Variants in MFSD8 observed in about 807,000 individuals in gnomAD.
The protein encoded by MFSD8 is major facilitator superfamily domain-containing protein 8.
In MFSD8, 55 loss-of-function variants were observed where a neutral mutation model predicts 66.4. That is an observed-to-expected ratio of 0.83 (90% CI 0.67 to 1.04). MFSD8 has a LOEUF of 1.04. Ranked by LOEUF, MFSD8 falls within the 50% of genes least tolerant of loss-of-function variation. The pLI, the probability that MFSD8 is intolerant of heterozygous loss-of-function variation, is 0.00. For synonymous variants in MFSD8, 202 were observed against 212.8 expected (o/e 0.95, Z 0.44); for missense variants, 550 against 627.6 (o/e 0.88, Z 1.32).
At chr4:127,949,724 G>A in intron 3 of MFSD8, 80 bp downstream of exon 3, 1 of 1,164,488 alleles carries the variant, frequency 8.6e-7, no homozygotes. Flanking sequence ...ATACCAAAGA[G>A]ACTCTTTAGA....
At chr4:127,942,744 A>C (rs1740409391) in intron 4 of MFSD8, among the ~76,000 whole-genome samples, 1 of 152,108 alleles carries the variant, frequency 6.6e-6, no homozygotes, top group Non-Finnish European at 1.5e-5. Flanking sequence ...GATTACTACA[A>C]CTGTTTTTAA....
In MFSD8 at chr4:127,939,955, G is replaced by A. The variant is rs1175598258; in HGVS notation, c.596C>T (p.Thr199Ile). Residue 199 changes from threonine to isoleucine, a missense_variant, in exon 6 of 12, where the codon ACA (threonine) becomes ATA (isoleucine). Transcript: ENST00000641686. ...CFTFLGEKGVTWDVIKLQINM... is the reference protein window; with the variant it reads ...CFTFLGEKGVIWDVIKLQINM... The stretch of plus-strand genomic sequence containing the variant: ...TATCTGCAGTTTAATCACATCCCAT[G>A]TCACACCTTTTTCTCCAAGGAATGT... The A allele has an allele frequency of 3.7e-6, 6 of 1,613,350 alleles. No homozygotes were observed. In the South Asian group the frequency reaches 5.5e-5, roughly 15 times the overall value.
rs1736367637 is a variant in MFSD8, at chr4:127,921,754, T to C, written c.1120A>G (p.Ile374Val). ...IQWEDLHNNS[I>V]PNTTFGEIII... ...ATTTCCCCAAATGTGGTATTAGGGATTGAATTATTGTGCAAATCTGTAAAA... is the reference window on the plus strand; with the variant it reads ...ATTTCCCCAAATGTGGTATTAGGGACTGAATTATTGTGCAAATCTGTAAAA... The change falls in exon 11 of 12, where the codon ATC (isoleucine) becomes GTC (valine). Residue 374 changes from isoleucine to valine, a missense_variant. Physicochemically the swap from Ile to Val is conservative, Grantham distance 29. Coordinates refer to ENST00000641686, the MANE Select transcript of MFSD8 (RefSeq NM_001371596.2). 4 of 1,614,168 alleles carry C rather than the reference T, an allele frequency of 2.5e-6. No homozygotes were observed. The highest frequency in any genetic ancestry group is 3.4e-6 in the Non-Finnish European group (4 of 1,180,022).
chr4:127,965,350 C>T (rs1289662608), upstream of MFSD8: 3 of 623,500 alleles, frequency 4.8e-6, no homozygotes, highest in African/African-American at 1.8e-5. Context: ...CCTCCCTCGG[C>T]ACGCGCCTCC....
rs2148832703 is a variant in MFSD8 at position 127,918,361 on chromosome 4, AAAG to A, written c.*2266_*2268del. 6.6e-6 allele frequency: 1 copy of A among 152,324 alleles called. No homozygotes were observed. The highest frequency in any genetic ancestry group is 1.9e-4 in the East Asian group (1 of 5,188). The allele number at this position is 152,324 out of a possible 1,614,324, so 9.4% of individuals were successfully genotyped here. A position where few individuals can be genotyped will look rare whatever the true frequency, so the allele number is the denominator to read the frequency against. On this transcript the variant is annotated 3_prime_UTR_variant, in exon 12 of 12. Transcript: ENST00000641686. ...CAAGATGAGCAAGGTATAATCCTCCAAAGAAGAAAATGCTCCAAAGAAAATGCT... is the reference window on the plus strand; with the variant it reads ...CAAGATGAGCAAGGTATAATCCTCCAAAGAAAATGCTCCAAAGAAAATGCT...
chr4:127,962,839 A>C (rs753220524), intron 1 of MFSD8, among the ~76,000 whole-genome samples: 2 of 152,214 alleles, frequency 1.3e-5, no homozygotes, highest in African/African-American at 4.8e-5. Flanking sequence ...TGCATTGCAT[A>C]AACTCTGTTT....
At chr4:127,961,037 T>C (rs1743650032) in intron 1 of MFSD8, among the ~76,000 whole-genome samples, 1 of 152,206 alleles carries the variant, frequency 6.6e-6, no homozygotes, top group Non-Finnish European at 1.5e-5. Context: ...CCAACCCCTG[T>C]TGTCTTAAAT....
chr4:127,921,510 G>C lies in MFSD8; in HGVS notation c.1350+14C>G. On this transcript the variant is annotated intron_variant, in intron 11 of 11. Transcript: ENST00000641686. The stretch of plus-strand genomic sequence containing the variant: ...ATATTTTCTATAATTGCAATGTCAG[G>C]GTACCTGGCTTACCTGAGGTTTTGG... 6.2e-7 allele frequency: 1 copy of C among 1,614,050 alleles called. No homozygotes were observed. Among genetic ancestry groups the C allele is most frequent in the Non-Finnish European group, 8.5e-7 (1 of 1,180,026 alleles).
intron 6 of MFSD8, 152 bp downstream of exon 6, chr4:127,939,701 C>A: frequency 2.1e-6 from 1 of 484,156 alleles, no homozygotes; most frequent in Non-Finnish European, 3.3e-6. Context: ...GCCAGTATTA[C>A]ATGCTTTAGT....
chr4:127,943,945 T>A lies in MFSD8; in HGVS notation c.246A>T (p.Ser82=). The A allele has an allele frequency of 1.2e-6, 2 of 1,614,136 alleles. No homozygotes were observed. Among genetic ancestry groups the A allele is most frequent in the Non-Finnish European group, 1.7e-6 (2 of 1,180,016 alleles). ...AAGCTACCATTTGGCCAAGACTATA[T>A]GAAGCAATAACCCAGCCCAAAAAAC... ...DTSFLGWVIA[S]YSLGQMVASP... Residue 82 remains serine, a synonymous_variant, in exon 4 of 12, where the codon TCA becomes TCT. Coordinates refer to ENST00000641686, the MANE Select transcript of MFSD8 (RefSeq NM_001371596.2).
Position 127,941,946 on chromosome 4 carries a change from C to T in MFSD8, c.553+99G>A, listed in dbSNP as rs991328950. 1.7e-5 allele frequency: 16 copies of T among 964,298 alleles called. No homozygotes were observed. The African/African-American group carries it at 1.8e-4, about 11-fold the overall frequency. The allele number at this position is 964,298 out of a possible 1,614,324, so 59.7% of individuals were successfully genotyped here. A position where few individuals can be genotyped will look rare whatever the true frequency, so the allele number is the denominator to read the frequency against. On this transcript the variant is annotated intron_variant, in intron 5 of 11. Transcript: ENST00000641686. ...AAAAAATTAGCTTTCCTCCCTTTCCCTTCAGCTATGAGTTTTTATACTTGG... is the reference window on the plus strand; with the variant it reads ...AAAAAATTAGCTTTCCTCCCTTTCCTTTCAGCTATGAGTTTTTATACTTGG...
At chr4:127,940,146 A>C in intron 5 of MFSD8, 149 bp from the exon 6 acceptor site, 1 of 772,974 alleles carries the variant, frequency 1.3e-6, no homozygotes, top group Non-Finnish European at 2.0e-6. Flanking sequence ...TTGGTTCTTG[A>C]TGGGGGGTCA....
intron 1 of MFSD8, among the ~76,000 whole-genome samples, chr4:127,958,822 ATCTT>A (rs1300567619): frequency 3.3e-5 from 5 of 152,216 alleles, no homozygotes; most frequent in Non-Finnish European, 7.3e-5. Flanking sequence ...CTCAGACAAA[ATCTT>A]TCTTCTTTTA....
At chr4:127,964,894 C>T (rs1446659139) in intron 1 of MFSD8, 178 bp downstream of exon 1, 6 of 738,392 alleles carry the variant, frequency 8.1e-6, no homozygotes, top group African/African-American at 6.9e-5. Context: ...TGCGGCCAGA[C>T]GCCCTTTCTC....
intron 1 of MFSD8, among the ~76,000 whole-genome samples, chr4:127,958,136 G>T (rs772465795): frequency 5.9e-5 from 9 of 152,102 alleles, no homozygotes; most frequent in Non-Finnish European, 4.4e-5. Flanking sequence ...CTCCTAAATG[G>T]GTTACCAGAT....
In MFSD8 at chr4:127,921,868, T is replaced by C. The variant is rs1211443644; in HGVS notation, c.1094A>G (p.Gln365Arg). ...LPWGNQFPKI[Q>R]WEDLHNNSIP... ...ATTATGTATGGCTATACCTTCCCACTGTATTTTGGGAAATTGATTTCCCCA... is the reference window on the plus strand; with the variant it reads ...ATTATGTATGGCTATACCTTCCCACCGTATTTTGGGAAATTGATTTCCCCA... The change falls in exon 10 of 12, where the codon CAG (glutamine) becomes CGG (arginine). Residue 365 changes from glutamine to arginine, a missense_variant. Gln to Arg is a conservative substitution (Grantham distance 43, BLOSUM62 1). Coordinates refer to ENST00000641686, the MANE Select transcript of MFSD8 (RefSeq NM_001371596.2). 2 of 1,614,028 alleles carry C rather than the reference T, an allele frequency of 1.2e-6. No homozygotes were observed. Among genetic ancestry groups the C allele is most frequent in the East Asian group, 2.2e-5 (1 of 44,886 alleles).
intron 8 of MFSD8, 89 bp downstream of exon 8, chr4:127,932,896 C>T: frequency 8.3e-7 from 1 of 1,210,702 alleles, no homozygotes; most frequent in Non-Finnish European, 1.2e-6. Flanking sequence ...ATAAGATTTT[C>T]AATAACATCT....
At chr4:127,947,612 C>A (rs1344645142) in intron 3 of MFSD8, among the ~76,000 whole-genome samples, 1 of 149,646 alleles carries the variant, frequency 6.7e-6, no homozygotes, top group South Asian at 2.1e-4. Flanking sequence ...AGAGAGAAGG[C>A]TTTCCAGAGG....
intron 7 of MFSD8, 198 bp from the exon 8 acceptor site, chr4:127,933,291 C>T: frequency 2.1e-6 from 1 of 476,030 alleles, no homozygotes; most frequent in Non-Finnish European, 3.8e-6. Flanking sequence ...GTCACCCAGA[C>T]TAGAGTGCAG....
Sources: gnomAD v4.1 joint callset for allele counts (sites outside exome capture counted in the v4.1 genomes callset) on GRCh38, gnomAD v4.1.1 for gene constraint, MANE v1.5 for transcripts, NCBI Gene and HGNC (gene_info 2026-07-23, HGNC 2026-07-21) for gene names.